The following ATF2 variants were observed in gnomAD, a reference collection of about 807,000 sequenced individuals.
ATF2 encodes activating transcription factor 2.
A neutral mutation model predicts 60.6 loss-of-function variants in ATF2; 24 were observed. The ratio of observed to expected loss-of-function variants is 0.40; its 90% CI spans 0.29 to 0.56. The LOEUF (loss-of-function observed/expected upper bound fraction) is 0.56, where lower values mean the gene tolerates loss of function less well. Among genes scored for constraint, ATF2 ranks in the 20% least tolerant of loss-of-function variants. The pLI, the probability that ATF2 is intolerant of heterozygous loss-of-function variation, is 0.54. For missense variants in ATF2, 433 were observed against 607.7 expected, an observed-to-expected ratio of 0.71 and a Z score of 3.02; for synonymous variants, 206 against 215.4, an observed-to-expected ratio of 0.96 and a Z score of 0.38.
chr2:175,099,664 T>C (rs1455314054), intron 10 of ATF2, among the ~76,000 whole-genome samples: 2 of 152,214 alleles, frequency 1.3e-5, no homozygotes, highest in Non-Finnish European at 2.9e-5. Context: ...TTCACCTGTG[T>C]TGTTGTATTA....
intron 3 of ATF2, 76 bp downstream of exon 3, chr2:175,136,336 A>G (rs1698142201): frequency 2.2e-6 from 3 of 1,392,294 alleles, no homozygotes; most frequent in South Asian, 1.2e-5. Flanking sequence ...TACTTACCTA[A>G]TAGAAACAAG....
chr2:175,118,057 G>T lies in ATF2; in HGVS notation c.380C>A (p.Ser127Tyr). 1 of 1,612,172 alleles carries T rather than the reference G, an allele frequency of 6.2e-7. No homozygotes were observed. Among genetic ancestry groups the T allele is most frequent in the Non-Finnish European group, 8.5e-7 (1 of 1,178,708 alleles). The change falls in exon 7 of 14, where the codon TCT (serine) becomes TAT (tyrosine). Residue 127 changes from serine (S) to tyrosine (Y), a missense_variant. Around this residue, in one of 5 missense-constraint regions of ATF2, gnomAD observed 246 missense variants for 309.3 expected, o/e 0.80. Coordinates refer to ENST00000264110, the MANE Select transcript of ATF2 (RefSeq NM_001880.4). Reference protein sequence around the residue: ...PIIRSKIEEPSVVETTHQDSP... With the variant: ...PIIRSKIEEPYVVETTHQDSP... ...ATCCTGGTGAGTTGTTTCTACAACA[G>T]AAGGCTCCTCAATTTTGCTTCTTAT...
At chr2:175,140,497 G>C (rs900865581) in intron 2 of ATF2, among the ~76,000 whole-genome samples, 1 of 152,142 alleles carries the variant, frequency 6.6e-6, no homozygotes, top group Non-Finnish European at 1.5e-5. Context: ...AGGAGTGGGA[G>C]GGAAGGATTA....
rs773732331 is a variant in ATF2, at chr2:175,074,580, T to C, written c.*29A>G. On this transcript the variant is annotated 3_prime_UTR_variant, in exon 14 of 14. Coordinates refer to ENST00000264110, the MANE Select transcript of ATF2 (RefSeq NM_001880.4). The stretch of plus-strand genomic sequence containing the variant: ...TTCCCTTTGAAGTCACTAATGAGTA[T>C]CTAAAACTGTTGTACTGCAGGTTTT... 1.5e-4 allele frequency: 241 copies of C among 1,590,710 alleles called. No homozygotes were observed. Among genetic ancestry groups the C allele is most frequent in the Non-Finnish European group, 2.0e-4 (238 of 1,166,864 alleles).
intron 4 of ATF2, among the ~76,000 whole-genome samples, chr2:175,122,797 C>T (rs1448426168): frequency 1.3e-5 from 2 of 151,918 alleles, no homozygotes; most frequent in Admixed American, 6.6e-5. Context: ...TAAATGCTAA[C>T]TGAAAGAATG....
intron 10 of ATF2, among the ~76,000 whole-genome samples, chr2:175,101,998 CA>C (rs1279159434): frequency 6.6e-6 from 1 of 151,974 alleles, no homozygotes; most frequent in African/African-American, 2.4e-5. Context: ...ATAAATTTTA[CA>C]ATTAATGTAA....
chr2:175,112,315 C>G (rs564758353), intron 9 of ATF2, among the ~76,000 whole-genome samples: 1 of 152,144 alleles, frequency 6.6e-6, no homozygotes, highest in South Asian at 2.1e-4. Flanking sequence ...AAAAAATATT[C>G]TCAGTAAAGA....
At chr2:175,113,965 T>C in intron 9 of ATF2, 29 bp downstream of exon 9, 1 of 1,555,562 alleles carries the variant, frequency 6.4e-7, no homozygotes, top group Non-Finnish European at 8.8e-7. Flanking sequence ...AGTTTTGCGA[T>C]AGAGATTTAA....
At chr2:175,162,822 T>C (rs1330724437) in intron 1 of ATF2, among the ~76,000 whole-genome samples, 1 of 152,080 alleles carries the variant, frequency 6.6e-6, no homozygotes, top group Non-Finnish European at 1.5e-5. Flanking sequence ...TATAAAAAAA[T>C]TGTTCCGACA....
intron 1 of ATF2, among the ~76,000 whole-genome samples, chr2:175,159,438 GA>G (rs1699884171): frequency 6.6e-6 from 1 of 152,110 alleles, no homozygotes; most frequent in South Asian, 2.1e-4. Flanking sequence ...TCAGCTGAGA[GA>G]AAAATATTAA....
chr2:175,114,823 G>A lies in ATF2; in HGVS notation c.493C>T (p.Arg165Cys), dbSNP rs1376654626. ...TTGGGAACCTGTAATGATGCTGGAC[G>A]AACAATAGCTGATGTGGGCTGTGCA... Reference protein sequence around the residue: ...QTAQPTSAIVRPASLQVPNVL... With the variant: ...QTAQPTSAIVCPASLQVPNVL... Residue 165 changes from arginine to cysteine, a missense_variant, in exon 8 of 14, where the codon CGT (arginine) becomes TGT (cysteine). Physicochemically the swap from Arg to Cys is radical, Grantham distance 180. Transcript: ENST00000264110. The A allele has an allele frequency of 1.9e-6, 3 of 1,613,874 alleles. No homozygotes were observed. The highest frequency in any genetic ancestry group is 1.7e-5 in the Admixed American group (1 of 60,004).
chr2:175,108,181 G>A (rs1465744532), intron 10 of ATF2, among the ~76,000 whole-genome samples: 3 of 142,198 alleles, frequency 2.1e-5, no homozygotes, highest in African/African-American at 5.3e-5. Context: ...GCCCGGCCGC[G>A]ACCCCGTCTG....
chr2:175,114,797 A>G lies in ATF2; in HGVS notation c.519T>C (p.Asn173=), dbSNP rs745956539. The change falls in exon 8 of 14, where the codon AAT becomes AAC. Residue 173 remains asparagine, a synonymous_variant. Coordinates refer to ENST00000264110, the MANE Select transcript of ATF2 (RefSeq NM_001880.4). ...TTGAGTCAGAACTTGTAAGCAGCACATTGGGAACCTGTAATGATGCTGGAC... is the reference window on the plus strand; with the variant it reads ...TTGAGTCAGAACTTGTAAGCAGCACGTTGGGAACCTGTAATGATGCTGGAC... ...IVRPASLQVP[N]VLLTSSDSSV... 4 of 1,614,026 alleles carry G rather than the reference A, an allele frequency of 2.5e-6. No individual in the cohort carries two copies. The highest frequency in any genetic ancestry group is 3.3e-5 in the Admixed American group (2 of 60,020).
chr2:175,090,883 A>G (rs892263930), intron 12 of ATF2, among the ~76,000 whole-genome samples: 3 of 152,214 alleles, frequency 2.0e-5, no homozygotes, highest in African/African-American at 7.2e-5. Flanking sequence ...TGTGTGACAG[A>G]AAAAACATGA....
At chr2:175,165,320 GAAT>G (rs907625861) in intron 1 of ATF2, among the ~76,000 whole-genome samples, 5 of 152,016 alleles carry the variant, frequency 3.3e-5, no homozygotes, top group African/African-American at 1.2e-4. Context: ...ATTTTAGTAA[GAAT>G]AAAAAAGAGA....
chr2:175,152,154 T>C (rs753580740), intron 1 of ATF2, among the ~76,000 whole-genome samples: 2 of 152,186 alleles, frequency 1.3e-5, no homozygotes, highest in Non-Finnish European at 2.9e-5. Context: ...TATTTCATTC[T>C]AAAATGTAAG....
chr2:175,106,404 G>A (rs1190078461), intron 10 of ATF2, among the ~76,000 whole-genome samples: 1 of 151,788 alleles, frequency 6.6e-6, no homozygotes, highest in African/African-American at 2.4e-5. Flanking sequence ...GCAGGTGACT[G>A]TAATCCCAGC....
chr2:175,153,610 A>G (rs1699453862), intron 1 of ATF2, among the ~76,000 whole-genome samples: 1 of 152,124 alleles, frequency 6.6e-6, no homozygotes, highest in Non-Finnish European at 1.5e-5. Context: ...AGGGTGGATC[A>G]CAAGGTCAGG....
At chr2:175,095,048 G>A (rs1297312839) in intron 11 of ATF2, among the ~76,000 whole-genome samples, 1 of 151,754 alleles carries the variant, frequency 6.6e-6, no homozygotes, top group Non-Finnish European at 1.5e-5. Flanking sequence ...TTCTATGGCT[G>A]GCTTCAAGAT....
Sources: allele counts gnomAD v4.1 joint callset (sites outside exome capture counted in the v4.1 genomes callset), GRCh38; gene constraint gnomAD v4.1.1; regional missense constraint gnomAD v4.1.1; transcripts MANE v1.5; gene names NCBI Gene and HGNC (gene_info 2026-07-23, HGNC 2026-07-21).